Variants in ELP1 observed in about 807,000 individuals in gnomAD.
ELP1 encodes elongator acetyltransferase complex subunit 1, also known as elongator complex protein 1.
Under a neutral mutation model 183.2 loss-of-function variants are expected in ELP1, and 131 were observed. That is an observed-to-expected ratio of 0.72 (90% CI 0.62 to 0.83). The LOEUF is 0.83. Among genes scored for constraint, ELP1 ranks in the 40% least tolerant of loss-of-function variants. The probability of loss-of-function intolerance (pLI) is 0.00; values close to 1 mark genes in which losing one functional copy is unlikely to be tolerated. For synonymous variants in ELP1, 555 were observed against 569.0 expected (o/e 0.98, Z 0.35); for missense variants, 1,550 against 1,594.9 (o/e 0.97, Z 0.48).
chr9:108,889,584 T>C (rs1828247412), intron 28 of ELP1, 191 bp from the exon 29 acceptor site: 2 of 642,550 alleles, frequency 3.1e-6, no homozygotes, highest in Non-Finnish European at 5.6e-6. Flanking sequence ...GAATTGAAAA[T>C]CATATACAGC....
chr9:108,889,448 A>C, intron 28 of ELP1, 55 bp from the exon 29 acceptor site: 13 of 1,488,862 alleles, frequency 8.7e-6, no homozygotes, highest in South Asian at 2.3e-5. Flanking sequence ...ACTTTAGCTC[A>C]AGTGCTTCTT....
intron 11 of ELP1, 39 bp downstream of exon 11, chr9:108,912,225 C>G (rs750343835): frequency 6.7e-7 from 1 of 1,491,216 alleles, no homozygotes; most frequent in South Asian, 1.1e-5. Flanking sequence ...AGGCTCAGGA[C>G]CCCTTGCAGG....
chr9:108,932,802 C>T (rs1252625455), intron 1 of ELP1, among the ~76,000 whole-genome samples: 1 of 152,112 alleles, frequency 6.6e-6, no homozygotes, highest in East Asian at 1.9e-4. Flanking sequence ...AGGACCTAGG[C>T]CTATTAGTAC....
intron 14 of ELP1, among the ~76,000 whole-genome samples, chr9:108,906,041 A>G (rs903921721): frequency 6.6e-6 from 1 of 152,216 alleles, no homozygotes; most frequent in Non-Finnish European, 1.5e-5. Context: ...GGTAGATGCT[A>G]AATTAAAATA....
In ELP1 at chr9:108,926,573, T is replaced by A; in HGVS notation, c.416A>T (p.Asp139Val). The A allele has an allele frequency of 6.2e-7, 1 of 1,613,032 alleles. No homozygotes were observed. The highest frequency in any genetic ancestry group is 1.7e-4 in the Middle Eastern group (1 of 6,060). Residue 139 changes from aspartate to valine, a missense_variant, in exon 5 of 37, where the codon GAT becomes GTT. Coordinates refer to ENST00000374647, the MANE Select transcript of ELP1 (RefSeq NM_003640.5). ...GQQTLIMMTK[D>V]FEPILEQQIH... ...CTGCTGCTCCAGGATTGGCTCAAAA[T>A]CTTTTGTCATCATAATCAGGGTCTG...
rs770590151 is a variant in ELP1 at position 108,897,188 on chromosome 9, C to T, written c.2461G>A (p.Asp821Asn). ...PDGNKIDLVCDAMRAVMESIN... is the reference protein window; with the variant it reads ...PDGNKIDLVCNAMRAVMESIN... The stretch of plus-strand genomic sequence containing the variant: ...CTCTCCATGACTGCTCTCATAGCAT[C>T]GCAGACAAGGTCTATTTTATTCCCG... The change falls in exon 23 of 37, where the codon GAT (aspartate) becomes AAT (asparagine). Residue 821 changes from aspartate (D) to asparagine (N), a missense_variant. Asp to Asn is a conservative substitution (Grantham distance 23). Coordinates refer to ENST00000374647, the MANE Select transcript of ELP1 (RefSeq NM_003640.5). 4.3e-6 allele frequency: 7 copies of T among 1,614,018 alleles called. No homozygotes were observed. Among genetic ancestry groups the T allele is most frequent in the Middle Eastern group, 1.6e-4 (1 of 6,084 alleles).
chr9:108,923,476 C>T (rs576929646), intron 5 of ELP1, among the ~76,000 whole-genome samples: 1 of 152,304 alleles, frequency 6.6e-6, no homozygotes, highest in East Asian at 1.9e-4. Context: ...TGCCATCTTA[C>T]ATATTCCAAG....
At chr9:108,915,118 T>C (rs1374742665) in intron 10 of ELP1, among the ~76,000 whole-genome samples, 1 of 152,232 alleles carries the variant, frequency 6.6e-6, no homozygotes, top group East Asian at 1.9e-4. Context: ...TTATACATTT[T>C]AAAAGCTATA....
At position 108,896,593 on chromosome 9, in the gene ELP1, T is replaced by A; in HGVS notation, c.2639A>T (p.Tyr880Phe). The change falls in exon 25 of 37, where the codon TAT becomes TTT. Residue 880 changes from tyrosine to phenylalanine, a missense_variant. Transcript: ENST00000374647. ...DAVSAEEALKYLLHLVDVNEL... is the reference protein window; with the variant it reads ...DAVSAEEALKFLLHLVDVNEL... ...ATTAACATCTACCAGATGCAGCAAA[T>A]ATTTCAAGGCCTCTTCAGCACTCAC... 6.2e-7 allele frequency: 1 copy of A among 1,613,750 alleles called. No homozygotes were observed. Among genetic ancestry groups the A allele is most frequent in the Non-Finnish European group, 8.5e-7 (1 of 1,179,780 alleles).
intron 32 of ELP1, 111 bp downstream of exon 32, chr9:108,879,941 C>T: frequency 1.3e-6 from 1 of 778,340 alleles, no homozygotes; most frequent in Non-Finnish European, 2.3e-6. Flanking sequence ...TCACACTTGC[C>T]CATGGCACAG....
chr9:108,901,333 A>G (rs1828796276), intron 18 of ELP1, 92 bp downstream of exon 18: 6 of 930,602 alleles, frequency 6.4e-6, no homozygotes, highest in Admixed American at 5.9e-5. Context: ...CCTTGATAAA[A>G]AGCCAAAATA....
At chr9:108,893,134 A>C (rs1001894659) in intron 26 of ELP1, 51 bp from the exon 27 acceptor site, 2 of 1,264,930 alleles carry the variant, frequency 1.6e-6, no homozygotes, top group Non-Finnish European at 2.3e-6. Context: ...GGGAAGCATA[A>C]TGGACTTCAT....
chr9:108,876,731 CT>C (rs35897844), intron 35 of ELP1, among the ~76,000 whole-genome samples: 49,611 of 138,312 alleles, frequency 0.36, 9,966 homozygotes, highest in Non-Finnish European at 0.46. Flanking sequence ...GATTGGCTGG[CT>C]TTTTTTTTTT....
chr9:108,907,585 C>T (rs1441595675), intron 13 of ELP1, among the ~76,000 whole-genome samples: 3 of 152,100 alleles, frequency 2.0e-5, no homozygotes, highest in Non-Finnish European at 4.4e-5. Context: ...TCCCTGGAGG[C>T]AGAGTAGTTT....
chr9:108,883,326 G>A (rs977516657), intron 29 of ELP1, among the ~76,000 whole-genome samples: 4 of 152,098 alleles, frequency 2.6e-5, no homozygotes, highest in African/African-American at 9.7e-5. Context: ...GCCATGCCTG[G>A]CTAATTGTGT....
At chr9:108,880,964 T>G (rs1827906822) in intron 31 of ELP1, among the ~76,000 whole-genome samples, 1 of 152,170 alleles carries the variant, frequency 6.6e-6, no homozygotes, top group Non-Finnish European at 1.5e-5. Context: ...TGCATAAAAA[T>G]GCAGAACTTA....
intron 18 of ELP1, 35 bp from the exon 19 acceptor site, chr9:108,900,410 CACA>C (rs774198910): frequency 5.0e-6 from 7 of 1,400,622 alleles, no homozygotes; most frequent in South Asian, 4.6e-5. Flanking sequence ...CCTTAATTAT[CACA>C]ACAAGCCACT....
At chr9:108,901,722 C>T (rs375386800) in intron 16 of ELP1, 41 bp from the exon 17 acceptor site, 32 of 1,587,252 alleles carry the variant, frequency 2.0e-5, no homozygotes, top group Non-Finnish European at 2.6e-5. Flanking sequence ...AATTCTATCT[C>T]AAATCAGTTA....
chr9:108,912,711 G>GT lies in ELP1; in HGVS notation c.959-218dup, dbSNP rs199537662. Among the ~76,000 whole-genome samples, 2,351 of 144,986 alleles carry GT rather than the reference G, an allele frequency of 0.016. 31 individuals carry two copies. The highest frequency in any genetic ancestry group is 0.025 in the Non-Finnish European group (1,667 of 65,524). On this transcript the variant is annotated intron_variant, in intron 10 of 36. Coordinates refer to ENST00000374647, the MANE Select transcript of ELP1 (RefSeq NM_003640.5). ...GTCAGAAATATATGTTTATTTTCTT[G>GT]TTTTTTTTCTATTTTTAACTTTTAT... is the stretch of plus-strand genomic sequence containing the variant.
Sources: allele counts gnomAD v4.1 joint callset (sites outside exome capture counted in the v4.1 genomes callset), GRCh38; gene constraint gnomAD v4.1.1; transcripts MANE v1.5; gene names NCBI Gene and HGNC (gene_info 2026-07-23, HGNC 2026-07-21).